NDRG3: variants seen among roughly 807,000 people sequenced by gnomAD.
NDRG3 encodes NDRG family member 3.
In NDRG3, 23 loss-of-function variants were observed where a neutral mutation model predicts 57.2. That is an observed-to-expected ratio of 0.40 (90% CI 0.29 to 0.57). NDRG3 has a LOEUF of 0.57. Among genes scored for constraint, NDRG3 ranks in the 20% least tolerant of loss-of-function variants. The probability of loss-of-function intolerance (pLI) is 0.42; values close to 1 mark genes in which losing one functional copy is unlikely to be tolerated. For synonymous variants in NDRG3, 132 were observed against 162.6 expected, an observed-to-expected ratio of 0.81 and a Z score of 1.43; for missense variants, 384 against 457.3, an observed-to-expected ratio of 0.84 and a Z score of 1.46.
intron 5 of NDRG3, among the ~76,000 whole-genome samples, chr20:36,684,708 G>A (rs1981632565): frequency 6.6e-6 from 1 of 152,110 alleles, no homozygotes; most frequent in Non-Finnish European, 1.5e-5. Context: ...AATTAGCTGG[G>A]TGTGGTAGCA....
chr20:36,678,855 A>G (rs1294322716), intron 8 of NDRG3, among the ~76,000 whole-genome samples: 3 of 152,250 alleles, frequency 2.0e-5, no homozygotes. Flanking sequence ...AGTACTTATA[A>G]TATCAAATGT....
chr20:36,662,339 C>T (rs918172940), intron 12 of NDRG3, among the ~76,000 whole-genome samples: 2 of 151,496 alleles, frequency 1.3e-5, no homozygotes, highest in Non-Finnish European at 1.5e-5. Context: ...GCAATTCTCT[C>T]GCCAAGTAGC....
intron 1 of NDRG3, among the ~76,000 whole-genome samples, chr20:36,741,744 T>G (rs1480194323): frequency 6.6e-6 from 1 of 152,218 alleles, no homozygotes. Context: ...TCTCAAAGTG[T>G]GATCCTTAGA....
Position 36,680,912 on chromosome 20 carries a change from G to A in NDRG3, c.445-10C>T. 1 of 1,611,734 alleles carries A rather than the reference G, an allele frequency of 6.2e-7. No homozygotes were observed. The highest frequency in any genetic ancestry group is 8.5e-7 in the Non-Finnish European group (1 of 1,178,080). ...GCTCTGGATGGTTGAGCTGAAAGAT[G>A]AGGCAAAGACAATAGTATGAAAGCT... On this transcript the variant is annotated splice_polypyrimidine_tract_variant and intron_variant, in intron 7 of 15. Coordinates refer to ENST00000349004, the MANE Select transcript of NDRG3 (RefSeq NM_032013.4).
intron 1 of NDRG3, among the ~76,000 whole-genome samples, chr20:36,744,888 G>A (rs756083468): frequency 1.5e-4 from 21 of 137,766 alleles, no homozygotes; most frequent in Non-Finnish European, 2.8e-4. Context: ...AGTCCAGCCC[G>A]CCCAGCTAGC....
At chr20:36,683,870 C>T (rs763732761) in intron 6 of NDRG3, among the ~76,000 whole-genome samples, 15 of 152,062 alleles carry the variant, frequency 9.9e-5, no homozygotes, top group Non-Finnish European at 1.8e-4. Flanking sequence ...CAGTACCATG[C>T]TATCATTATC....
In NDRG3 at chr20:36,656,422, A is replaced by G. The variant is rs1157373532; in HGVS notation, c.895-11T>C. 1 of 1,614,176 alleles carries G rather than the reference A, an allele frequency of 6.2e-7. No homozygotes were observed. Among genetic ancestry groups the G allele is most frequent in the Non-Finnish European group, 8.5e-7 (1 of 1,180,018 alleles). On this transcript the variant is annotated splice_polypyrimidine_tract_variant and intron_variant, in intron 14 of 15. Coordinates refer to ENST00000349004, the MANE Select transcript of NDRG3 (RefSeq NM_032013.4). ...GGTGAGCTTCCCAGGCTGGGGGGATAAAACAAGAGGGCATTAATTTTTGCA... is the reference window on the plus strand; with the variant it reads ...GGTGAGCTTCCCAGGCTGGGGGGATGAAACAAGAGGGCATTAATTTTTGCA...
chr20:36,718,218 G>A (rs78386605), intron 2 of NDRG3, among the ~76,000 whole-genome samples: 1 of 152,216 alleles, frequency 6.6e-6, no homozygotes, highest in African/African-American at 2.4e-5. Context: ...ATACTGGGGA[G>A]GGGGAGAGGG....
At chr20:36,701,057 A>G (rs1983192385) in intron 3 of NDRG3, among the ~76,000 whole-genome samples, 1 of 152,164 alleles carries the variant, frequency 6.6e-6, no homozygotes, top group African/African-American at 2.4e-5. Context: ...TATAGGCATG[A>G]GCCACCATTC....
At chr20:36,697,839 T>C (rs1053540225) in intron 3 of NDRG3, among the ~76,000 whole-genome samples, 1 of 152,222 alleles carries the variant, frequency 6.6e-6, no homozygotes, top group Non-Finnish European at 1.5e-5. Flanking sequence ...TTTGTGTATA[T>C]TTTATGTTAG....
intron 3 of NDRG3, among the ~76,000 whole-genome samples, chr20:36,696,129 T>A (rs780857583): frequency 6.6e-6 from 1 of 152,240 alleles, no homozygotes; most frequent in South Asian, 2.1e-4. Context: ...GGAGTTTCAC[T>A]CTTGTTGCCC....
chr20:36,673,550 C>T (rs968699896), intron 8 of NDRG3, among the ~76,000 whole-genome samples: 3 of 151,768 alleles, frequency 2.0e-5, no homozygotes, highest in Admixed American at 6.6e-5. Context: ...GGAACACAGG[C>T]GTGCACCACC....
intron 12 of NDRG3, among the ~76,000 whole-genome samples, chr20:36,660,625 A>ATC (rs1979113091): frequency 1.3e-5 from 2 of 150,782 alleles, no homozygotes; most frequent in Admixed American, 1.3e-4. Flanking sequence ...CAGTGGCGCG[A>ATC]TCTCGGCTCA....
intron 13 of NDRG3, among the ~76,000 whole-genome samples, chr20:36,659,134 A>G (rs1404045580): frequency 3.3e-5 from 5 of 151,980 alleles, no homozygotes; most frequent in Non-Finnish European, 5.9e-5. Flanking sequence ...TTGTTTTTGT[A>G]GAGACAGAGT....
At chr20:36,740,407 T>A (rs1985870344) in intron 1 of NDRG3, among the ~76,000 whole-genome samples, 1 of 152,210 alleles carries the variant, frequency 6.6e-6, no homozygotes, top group Admixed American at 6.5e-5. Context: ...AGTGCAATGG[T>A]GTGATCTCGG....
At chr20:36,698,132 A>G (rs1331205321) in intron 3 of NDRG3, among the ~76,000 whole-genome samples, 1 of 151,486 alleles carries the variant, frequency 6.6e-6, no homozygotes, top group Non-Finnish European at 1.5e-5. Context: ...CACCTGGCTG[A>G]TTTTTTGTAT....
intron 1 of NDRG3, among the ~76,000 whole-genome samples, chr20:36,741,275 C>G (rs984111593): frequency 2.6e-5 from 4 of 152,124 alleles, no homozygotes; most frequent in Non-Finnish European, 5.9e-5. Context: ...AGGAAGCTTA[C>G]GTGATACCAA....
chr20:36,725,673 G>A (rs1259747412), intron 1 of NDRG3, among the ~76,000 whole-genome samples: 2 of 150,290 alleles, frequency 1.3e-5, no homozygotes, highest in African/African-American at 4.9e-5. Context: ...TTTACTCATT[G>A]TCCTTCCACC....
chr20:36,704,673 G>T (rs1302796029), intron 3 of NDRG3, among the ~76,000 whole-genome samples: 2 of 152,110 alleles, frequency 1.3e-5, no homozygotes, highest in East Asian at 3.9e-4. Flanking sequence ...GTAACTTATT[G>T]TTTTAGAGGA....
Sources: allele counts gnomAD v4.1 joint callset (sites outside exome capture counted in the v4.1 genomes callset), GRCh38; gene constraint gnomAD v4.1.1; transcripts MANE v1.5; gene names NCBI Gene and HGNC (gene_info 2026-07-23, HGNC 2026-07-21).